SETBP1: variants seen among roughly 807,000 people sequenced by gnomAD.
The protein encoded by SETBP1 is SET binding protein 1, also known as SET-binding protein.
A neutral mutation model predicts 101.0 loss-of-function variants in SETBP1; 9 were observed. That is an observed-to-expected ratio of 0.09 (90% CI 0.05 to 0.16). SETBP1 has a LOEUF of 0.16. Among genes scored for constraint, SETBP1 ranks in the 10% least tolerant of loss-of-function variants. The pLI is 1.00. For missense variants in SETBP1, 1,858 were observed against 2,033.8 expected (o/e 0.91, Z 1.66); for synonymous variants, 818 against 788.5 (o/e 1.04, Z -0.63).
chr18:44,844,353 G>GCGCACACACACA (rs1406482456), intron 2 of SETBP1, among the ~76,000 whole-genome samples: 2 of 138,184 alleles, frequency 1.4e-5, no homozygotes, highest in African/African-American at 5.6e-5. Context: ...ACACACGCGC[G>GCGCACACACACA]CACACACACA....
At chr18:44,876,508 G>A in intron 3 of SETBP1, 5 of 1,268,202 alleles carry the variant, frequency 3.9e-6, no homozygotes, top group Non-Finnish European at 5.6e-6. Context: ...GGTGGGGTCT[G>A]GATATTGGTA....
chr18:44,902,072 T>G (rs2070060040), intron 3 of SETBP1, among the ~76,000 whole-genome samples: 1 of 152,168 alleles, frequency 6.6e-6, no homozygotes, highest in South Asian at 2.1e-4. Context: ...TAAAATTAAG[T>G]ACAATTTAAA....
intron 4 of SETBP1, among the ~76,000 whole-genome samples, chr18:44,976,526 A>G (rs1013636691): frequency 1.3e-5 from 2 of 152,242 alleles, no homozygotes; most frequent in Admixed American, 1.3e-4. Context: ...TCAGAAGCAC[A>G]TGACTGAGCC....
chr18:45,006,829 C>T (rs893937418), intron 4 of SETBP1, among the ~76,000 whole-genome samples: 1 of 152,170 alleles, frequency 6.6e-6, no homozygotes, highest in Non-Finnish European at 1.5e-5. Flanking sequence ...AGCAACTAAA[C>T]CTTAAGGTCT....
At chr18:44,917,585 T>C (rs1293889139) in intron 3 of SETBP1, among the ~76,000 whole-genome samples, 1 of 152,198 alleles carries the variant, frequency 6.6e-6, no homozygotes, top group Non-Finnish European at 1.5e-5. Context: ...CCCTTGTCTA[T>C]GTGCAAGGGG....
At chr18:44,866,151 C>T (rs2069123912) in intron 2 of SETBP1, among the ~76,000 whole-genome samples, 1 of 152,208 alleles carries the variant, frequency 6.6e-6, no homozygotes, top group African/African-American at 2.4e-5. Flanking sequence ...AATTTAACCT[C>T]CAATTTCTAC....
At chr18:44,752,225 A>G (rs1456210440) in intron 2 of SETBP1, among the ~76,000 whole-genome samples, 3 of 152,232 alleles carry the variant, frequency 2.0e-5, no homozygotes, top group Non-Finnish European at 4.4e-5. Flanking sequence ...CAGGTGATTT[A>G]CCAATTATAG....
intron 5 of SETBP1, among the ~76,000 whole-genome samples, chr18:45,055,625 C>T (rs1210806564): frequency 1.3e-5 from 2 of 151,924 alleles, no homozygotes; most frequent in African/African-American, 2.4e-5. Context: ...TGTTTCAATA[C>T]TTGTTGTAGG....
At chr18:44,795,260 G>T (rs1414257328) in intron 2 of SETBP1, among the ~76,000 whole-genome samples, 1 of 152,138 alleles carries the variant, frequency 6.6e-6, no homozygotes, top group Non-Finnish European at 1.5e-5. Context: ...CCCTGAAATA[G>T]CATGGGTGGT....
chr18:44,993,325 A>G (rs1357310933), intron 4 of SETBP1, among the ~76,000 whole-genome samples: 1 of 152,104 alleles, frequency 6.6e-6, no homozygotes, highest in Non-Finnish European at 1.5e-5. Flanking sequence ...GGAAAGTAAA[A>G]CAAATTAAAA....
chr18:44,711,253 G>A lies in SETBP1; in HGVS notation c.486+9421G>A, dbSNP rs546455828. On this transcript the variant is annotated intron_variant, in intron 2 of 5. Coordinates refer to ENST00000649279, the MANE Select transcript of SETBP1 (RefSeq NM_015559.3). ...CCTCCCTCCCTCCCCTACTCCTCCCGCCTCCCTCCCTCTCTCCCTCCCTCC... is the reference window on the plus strand; with the variant it reads ...CCTCCCTCCCTCCCCTACTCCTCCCACCTCCCTCCCTCTCTCCCTCCCTCC... 6.0e-4 allele frequency among the ~76,000 whole-genome samples: 20 copies of A among 33,246 alleles called. No individual in the cohort carries two copies. The South Asian group carries it at 0.017, about 28-fold the overall frequency. 21.8% of individuals were successfully genotyped at this position (33,246 alleles called of 152,430 possible). A position where few individuals can be genotyped will look rare whatever the true frequency, so the allele number is the denominator to read the frequency against.
chr18:44,821,593 A>T (rs1599174511), intron 2 of SETBP1, among the ~76,000 whole-genome samples: 1 of 152,210 alleles, frequency 6.6e-6, no homozygotes, highest in South Asian at 2.1e-4. Context: ...TTGTTTATGT[A>T]CCTTTCTTCT....
At chr18:44,886,294 A>G (rs1044432093) in intron 3 of SETBP1, among the ~76,000 whole-genome samples, 4 of 152,112 alleles carry the variant, frequency 2.6e-5, no homozygotes, top group Admixed American at 1.3e-4. Flanking sequence ...ATCCCATTCC[A>G]GTAGAGATGA....
At chr18:45,036,103 G>A (rs973101864) in intron 4 of SETBP1, among the ~76,000 whole-genome samples, 1 of 152,132 alleles carries the variant, frequency 6.6e-6, no homozygotes, top group Non-Finnish European at 1.5e-5. Flanking sequence ...GGAGGCCGAG[G>A]TGGGCAGATC....
intron 5 of SETBP1, among the ~76,000 whole-genome samples, chr18:45,044,144 A>G (rs1239105683): frequency 2.0e-5 from 3 of 152,226 alleles, no homozygotes; most frequent in Admixed American, 6.5e-5. Context: ...AGAAGAAATA[A>G]AGGTGCAATT....
chr18:44,850,844 C>G lies in SETBP1; in HGVS notation c.487-18386C>G, dbSNP rs570154296. ...TCAAAATTAAATCACAGTAGATGTT[C>G]ATTCCAAACCCTTTGTGTTTTTTAT... On this transcript the variant is annotated intron_variant, in intron 2 of 5. Coordinates refer to ENST00000649279, the MANE Select transcript of SETBP1 (RefSeq NM_015559.3). 4.6e-5 allele frequency among the ~76,000 whole-genome samples: 7 copies of G among 152,346 alleles called. No homozygotes were observed. The South Asian group carries it at 1.4e-3, about 32-fold the overall frequency.
chr18:44,775,488 A>G (rs1164416565), intron 2 of SETBP1, among the ~76,000 whole-genome samples: 1 of 152,086 alleles, frequency 6.6e-6, no homozygotes, highest in African/African-American at 2.4e-5. Flanking sequence ...AGTTCTGGCT[A>G]CTTTTTTTTC....
intron 2 of SETBP1, among the ~76,000 whole-genome samples, chr18:44,802,971 G>T (rs1020289135): frequency 1.5e-4 from 23 of 152,004 alleles, no homozygotes; most frequent in African/African-American, 5.3e-4. Flanking sequence ...TATTTCTGTG[G>T]GTCATTTGGG....
chr18:45,038,124 C>A (rs943278688), intron 4 of SETBP1, among the ~76,000 whole-genome samples: 1 of 152,160 alleles, frequency 6.6e-6, no homozygotes, highest in Non-Finnish European at 1.5e-5. Context: ...GGAGCCATGT[C>A]TCTTCCACTC....
Sources: allele counts gnomAD v4.1 joint callset (sites outside exome capture counted in the v4.1 genomes callset), GRCh38; gene constraint gnomAD v4.1.1; transcripts MANE v1.5; gene names NCBI Gene and HGNC (gene_info 2026-07-23, HGNC 2026-07-21).